Variants in AP1S3 observed in about 807,000 individuals in gnomAD.
AP1S3 encodes adaptor related protein complex 1 subunit sigma 3.
A neutral mutation model predicts 20.9 loss-of-function variants in AP1S3; 10 were observed. That is an observed-to-expected ratio of 0.48 (90% CI 0.29 to 0.81). The LOEUF (loss-of-function observed/expected upper bound fraction) is 0.81. AP1S3 is among the 30% of genes least tolerant of loss of function. The pLI is 0.08. For missense variants in AP1S3, 154 were observed against 183.8 expected (o/e 0.84, Z 0.94); for synonymous variants, 41 against 61.5 (o/e 0.67, Z 1.56).
At chr2:223,759,040 T>C (rs1253227145) in intron 4 of AP1S3, among the ~76,000 whole-genome samples, 1 of 152,172 alleles carries the variant, frequency 6.6e-6, no homozygotes, top group African/African-American at 2.4e-5. Context: ...ACGCCTGTAA[T>C]ACCAGCACTT....
At chr2:223,832,135 C>CTGTGTG (rs774812162) in intron 1 of AP1S3, among the ~76,000 whole-genome samples, 3,576 of 70,494 alleles carry the variant, frequency 0.051, 140 homozygotes, top group African/African-American at 0.076. Flanking sequence ...AGTTTTCTCT[C>CTGTGTG]TGTGTGTGTG....
Position 223,777,691 on chromosome 2 carries a change from C to T in AP1S3, c.182G>A (p.Arg61Lys). ...TGAGCTCTCAAAAAGTTACTCACACCTTTTATAAACAAGTTTTAGCTCCTT... is the reference window on the plus strand; with the variant it reads ...TGAGCTCTCAAAAAGTTACTCACACTTTTTATAAACAAGTTTTAGCTCCTT... ...DWKELKLVYK[R>K]YASLYFCCAI... The change falls in exon 2 of 5, where the codon AGG becomes AAG. Residue 61 changes from arginine (R) to lysine (K), a missense_variant and splice_region_variant. By Grantham distance (26) the Arg-to-Lys change is conservative. Coordinates refer to ENST00000396654, the MANE Select transcript of AP1S3 (RefSeq NM_001039569.2). 2 of 1,611,472 alleles carry T rather than the reference C, an allele frequency of 1.2e-6. No individual in the cohort carries two copies. Among genetic ancestry groups the T allele is most frequent in the Middle Eastern group, 1.7e-4 (1 of 6,050 alleles).
chr2:223,808,850 GC>G (rs1464311019), intron 1 of AP1S3, among the ~76,000 whole-genome samples: 2 of 152,102 alleles, frequency 1.3e-5, no homozygotes, highest in Non-Finnish European at 2.9e-5. Context: ...CACAGAATTA[GC>G]TGGGTGTGGA....
intron 1 of AP1S3, among the ~76,000 whole-genome samples, chr2:223,812,218 T>G (rs1425736302): frequency 1.3e-5 from 2 of 152,186 alleles, no homozygotes; most frequent in Admixed American, 1.3e-4. Context: ...TGTTTGTTTG[T>G]TTTTTGTTTT....
chr2:223,815,704 AT>A (rs779606829), intron 1 of AP1S3, among the ~76,000 whole-genome samples: 19 of 152,362 alleles, frequency 1.2e-4, no homozygotes, highest in South Asian at 2.1e-4. Flanking sequence ...ACAGAATATA[AT>A]ACAGTTTTTA....
At chr2:223,791,355 C>T (rs947035919) in intron 1 of AP1S3, among the ~76,000 whole-genome samples, 6 of 152,138 alleles carry the variant, frequency 3.9e-5, no homozygotes, top group African/African-American at 1.2e-4. Context: ...TGGCTTCATC[C>T]CCAGGATGCA....
chr2:223,800,956 T>C (rs1281691195), intron 1 of AP1S3, among the ~76,000 whole-genome samples: 1 of 152,216 alleles, frequency 6.6e-6, no homozygotes, highest in African/African-American at 2.4e-5. Context: ...AGAATTAAGA[T>C]GATCTCCACA....
rs1467099387 is a variant in AP1S3, at chr2:223,758,010, G to GA, written c.*704dup. ...AACCTTAATAAATATATAGTTCATAGAAAACCTTATTGGAATGTCCCTTAT... is the reference window on the plus strand; with the variant it reads ...AACCTTAATAAATATATAGTTCATAGAAAAACCTTATTGGAATGTCCCTTAT... On this transcript the variant is annotated 3_prime_UTR_variant, in exon 5 of 5. Transcript: ENST00000396654. 1.3e-5 allele frequency: 13 copies of GA among 972,684 alleles called. No individual in the cohort carries two copies. The highest frequency in any genetic ancestry group is 1.5e-5 in the Non-Finnish European group (12 of 818,564). 60.3% of individuals were successfully genotyped at this position (972,684 alleles called of 1,614,324 possible).
intron 1 of AP1S3, among the ~76,000 whole-genome samples, chr2:223,805,333 C>T (rs1170065252): frequency 2.0e-5 from 3 of 152,110 alleles, no homozygotes; most frequent in Non-Finnish European, 4.4e-5. Flanking sequence ...ATCCTGGCTA[C>T]TCGGGAGCCA....
At chr2:223,795,179 G>A (rs1337328423) in intron 1 of AP1S3, among the ~76,000 whole-genome samples, 1 of 152,130 alleles carries the variant, frequency 6.6e-6, no homozygotes, top group African/African-American at 2.4e-5. Context: ...AACCCAGGAG[G>A]TAGAGGTTGC....
At chr2:223,781,602 A>C (rs1385443345) in intron 1 of AP1S3, among the ~76,000 whole-genome samples, 1 of 151,982 alleles carries the variant, frequency 6.6e-6, no homozygotes, top group African/African-American at 2.4e-5. Flanking sequence ...TAATAATAAT[A>C]ATCAAATTCA....
chr2:223,821,537 T>C lies in AP1S3; in HGVS notation c.3+15911A>G, dbSNP rs536333639. Among the ~76,000 whole-genome samples, 10 of 152,346 alleles carry C rather than the reference T, an allele frequency of 6.6e-5. No homozygotes were observed. In the East Asian group the frequency reaches 1.9e-3, roughly 29 times the overall value. On this transcript the variant is annotated intron_variant, in intron 1 of 4. Transcript: ENST00000396654. ...ATATATGCCTAAAGCAAAATAGTAG[T>C]GCTGTGCTGCTTCTCCACTTGATCT...
At position 223,757,422 on chromosome 2, in the gene AP1S3, A is replaced by G. The variant is rs840368; in HGVS notation, c.*1293T>C. On this transcript the variant is annotated 3_prime_UTR_variant, in exon 5 of 5. Coordinates refer to ENST00000396654, the MANE Select transcript of AP1S3 (RefSeq NM_001039569.2). ...CCACCTCTGCCTCCCAAAGTGCTGG[A>G]ATTATAGGCATGAGCCACTGTACCC... The G allele has an allele frequency of 0.63, 125,149 of 200,134 alleles. 40,033 individuals are homozygous for G. The highest frequency in any genetic ancestry group is 0.81 in the East Asian group (4,342 of 5,352). The allele number at this position is 200,134 out of a possible 1,614,324, so 12.4% of individuals were successfully genotyped here. A position where few individuals can be genotyped will look rare whatever the true frequency, so the allele number is the denominator to read the frequency against.
chr2:223,770,368 A>G, intron 3 of AP1S3: 1 of 1,548,440 alleles, frequency 6.5e-7, no homozygotes, highest in Non-Finnish European at 8.7e-7. Flanking sequence ...ATTCTCCAGG[A>G]ACTTCTTATA....
intron 1 of AP1S3, among the ~76,000 whole-genome samples, chr2:223,796,827 C>A (rs1162412233): frequency 6.6e-6 from 1 of 152,182 alleles, no homozygotes; most frequent in African/African-American, 2.4e-5. Context: ...CTGCGCCCAG[C>A]TAATTTTTGT....
chr2:223,757,767 GT>G lies in AP1S3; in HGVS notation c.*947del. ...AGGAAAGGAATCTACCATATAGGCTGTGATAATCTTAAATGCTCTAAGTAAG... is the reference window on the plus strand; with the variant it reads ...AGGAAAGGAATCTACCATATAGGCTGGATAATCTTAAATGCTCTAAGTAAG... On this transcript the variant is annotated 3_prime_UTR_variant, in exon 5 of 5. Transcript: ENST00000396654. 2 of 985,388 alleles carry G rather than the reference GT, an allele frequency of 2.0e-6. No individual in the cohort carries two copies. The highest frequency in any genetic ancestry group is 2.4e-6 in the Non-Finnish European group (2 of 829,926). The allele number at this position is 985,388 out of a possible 1,614,324, so 61.0% of individuals were successfully genotyped here.
At chr2:223,835,617 T>C (rs1692377520) in intron 1 of AP1S3, among the ~76,000 whole-genome samples, 1 of 152,152 alleles carries the variant, frequency 6.6e-6, no homozygotes, top group Admixed American at 6.6e-5. Context: ...ATCATGCCAC[T>C]GCACTTCAGC....
intron 1 of AP1S3, among the ~76,000 whole-genome samples, chr2:223,819,614 T>A (rs1232956493): frequency 7.7e-6 from 1 of 130,576 alleles, no homozygotes; most frequent in African/African-American, 2.7e-5. Context: ...AAAAAAAAAA[T>A]TAAAGTCCTA....
rs774547757 is a variant in AP1S3 at position 223,758,704 on chromosome 2, T to C, written c.*11A>G. 8 of 1,607,890 alleles carry C rather than the reference T, an allele frequency of 5.0e-6. No homozygotes were observed. The highest frequency in any genetic ancestry group is 6.8e-6 in the Non-Finnish European group (8 of 1,177,376). ...AACATGTAGTGCTGGAGTCTTCAAG[T>C]AGATTTCCAGTTAAAATGTAGGCTT... is the stretch of plus-strand genomic sequence containing the variant. On this transcript the variant is annotated 3_prime_UTR_variant, in exon 5 of 5. Transcript: ENST00000396654.
Sources: gnomAD v4.1 joint callset for allele counts (sites outside exome capture counted in the v4.1 genomes callset) on GRCh38, gnomAD v4.1.1 for gene constraint, MANE v1.5 for transcripts, NCBI Gene and HGNC (gene_info 2026-07-23, HGNC 2026-07-21) for gene names.